Variants in OR2L13 observed in about 807,000 individuals in gnomAD.
OR2L13 encodes olfactory receptor family 2 subfamily L member 13, also known as olfactory receptor 2L13.
A neutral mutation model predicts 15.3 loss-of-function variants in OR2L13; 14 were observed. That is an observed-to-expected ratio of 0.91 (90% CI 0.60 to 1.43). OR2L13 has a LOEUF of 1.43. Among genes scored for constraint, OR2L13 ranks in the 40% most tolerant of loss-of-function variants. The pLI, the probability that OR2L13 is intolerant of heterozygous loss-of-function variation, is 0.00. For synonymous variants in OR2L13, 152 were observed against 142.9 expected (o/e 1.06, Z -0.45); for missense variants, 367 against 387.9 (o/e 0.95, Z 0.45).
the OR2L13 span, among the ~76,000 whole-genome samples, chr1:247,988,560 C>G: frequency 6.6e-6 from 1 of 152,040 alleles, no homozygotes; most frequent in Non-Finnish European, 1.5e-5. Flanking sequence ...GAGTGTACAT[C>G]TTTGTGTGTG....
the OR2L13 span, among the ~76,000 whole-genome samples, chr1:247,953,301 G>A: frequency 3.6e-4 from 55 of 152,048 alleles, no homozygotes; most frequent in African/African-American, 1.0e-3. Flanking sequence ...TTATTATTTC[G>A]CACTTCACAG....
the OR2L13 span, chr1:248,083,974 G>A: frequency 6.2e-7 from 1 of 1,611,500 alleles, no homozygotes; most frequent in African/African-American, 1.3e-5. Flanking sequence ...AGGGAAAAGG[G>A]GACCAGGAGC....
chr1:248,078,481 C>T, the OR2L13 span, among the ~76,000 whole-genome samples: 1 of 151,908 alleles, frequency 6.6e-6, no homozygotes, highest in South Asian at 2.1e-4. Flanking sequence ...CACACACACA[C>T]ACATACACAC....
At chr1:248,038,747 A>G in the OR2L13 span, 29 of 1,613,986 alleles carry the variant, frequency 1.8e-5, no homozygotes, top group Non-Finnish European at 2.5e-5. Context: ...CTCACACAGT[A>G]TATGCACTCT....
At chr1:248,052,989 A>C in the OR2L13 span, among the ~76,000 whole-genome samples, 1 of 151,980 alleles carries the variant, frequency 6.6e-6, no homozygotes, top group Non-Finnish European at 1.5e-5. Context: ...ATGTGCAGGA[A>C]GAGCAGTTTT....
the OR2L13 span, among the ~76,000 whole-genome samples, chr1:248,045,327 T>C: frequency 6.6e-6 from 1 of 152,182 alleles, no homozygotes; most frequent in Non-Finnish European, 1.5e-5. Flanking sequence ...CTACTGTAGA[T>C]ATGTGAAATA....
At chr1:247,991,118 T>A in the OR2L13 span, 1 of 1,606,194 alleles carries the variant, frequency 6.2e-7, no homozygotes, top group Non-Finnish European at 8.5e-7. Context: ...ACTCCAATGC[T>A]CAACCCCATC....
the OR2L13 span, among the ~76,000 whole-genome samples, chr1:247,947,794 C>T: frequency 6.6e-6 from 1 of 152,160 alleles, no homozygotes; most frequent in Admixed American, 6.5e-5. Context: ...AGGATTTATT[C>T]TAGGTTTCTA....
the OR2L13 span, among the ~76,000 whole-genome samples, chr1:248,088,077 A>G: frequency 1.3e-5 from 2 of 152,192 alleles, no homozygotes; most frequent in Non-Finnish European, 2.9e-5. Context: ...GAACTTTTAC[A>G]TTAATATAGC....
the OR2L13 span, among the ~76,000 whole-genome samples, chr1:248,031,101 C>T: frequency 7.9e-5 from 12 of 152,226 alleles, no homozygotes; most frequent in African/African-American, 2.4e-5. Flanking sequence ...AGGGACAGAA[C>T]CCACGTGGAT....
chr1:248,090,510 G>T (rs1187900446), upstream of OR2L13, among the ~76,000 whole-genome samples: 3 of 152,058 alleles, frequency 2.0e-5, no homozygotes, highest in African/African-American at 7.2e-5. Context: ...TTAATGTTTA[G>T]CTCCCACTTA....
chr1:248,030,573 T>C, the OR2L13 span, among the ~76,000 whole-genome samples: 16 of 152,302 alleles, frequency 1.1e-4, no homozygotes, highest in East Asian at 3.1e-3. Flanking sequence ...GGGGTAACAT[T>C]TCCTTGTACC....
the OR2L13 span, chr1:248,062,826 A>T: frequency 6.6e-6 from 1 of 152,220 alleles, no homozygotes; most frequent in Non-Finnish European, 1.5e-5. Flanking sequence ...GTATGCCTTT[A>T]TCAAAGCATC....
chr1:247,991,067 C>T, the OR2L13 span: 52 of 1,579,352 alleles, frequency 3.3e-5, no homozygotes, highest in Admixed American at 2.7e-4. Flanking sequence ...CTGCGATCTC[C>T]GACAGAGGAC....
the OR2L13 span, among the ~76,000 whole-genome samples, chr1:247,993,760 GGGGAGAGAGAGAGA>G: frequency 0.034 from 1,805 of 53,732 alleles, 49 homozygotes; most frequent in South Asian, 0.041. Context: ...ACAGAGAGAG[GGGGAGAGAGAGAGA>G]GAGAGAGAGA....
At chr1:248,010,763 G>GTTTTT in the OR2L13 span, among the ~76,000 whole-genome samples, 218 of 44,470 alleles carry the variant, frequency 4.9e-3, 7 homozygotes, top group Middle Eastern at 0.038. Flanking sequence ...CTTTGTTGTT[G>GTTTTT]TTTTTTTTTT....
the OR2L13 span, among the ~76,000 whole-genome samples, chr1:247,983,504 C>T: frequency 6.6e-6 from 1 of 152,042 alleles, no homozygotes; most frequent in Non-Finnish European, 1.5e-5. Context: ...GCTTAAAATA[C>T]TTATAGCTAT....
the OR2L13 span, among the ~76,000 whole-genome samples, chr1:247,946,972 T>G: frequency 1.3e-5 from 2 of 152,208 alleles, no homozygotes; most frequent in East Asian, 1.9e-4. Context: ...GGAATGTCCT[T>G]AAGCACATAT....
At chr1:247,949,154 G>A in the OR2L13 span, 4 of 1,614,088 alleles carry the variant, frequency 2.5e-6, no homozygotes, top group Non-Finnish European at 3.4e-6. Flanking sequence ...GTGGGATTCA[G>A]AGTTTCTTCT....
Sources: gnomAD v4.1 joint callset for allele counts (sites outside exome capture counted in the v4.1 genomes callset) on GRCh38, gnomAD v4.1.1 for gene constraint, MANE v1.5 for transcripts, NCBI Gene and HGNC (gene_info 2026-07-23, HGNC 2026-07-21) for gene names.